S100Z: variants seen among roughly 807,000 people sequenced by gnomAD.
The protein encoded by S100Z is protein S100-Z.
Under a neutral mutation model 8.5 loss-of-function variants are expected in S100Z, and 11 were observed. The ratio of observed to expected loss-of-function variants is 1.30; its 90% CI spans 0.82 to 2.15. S100Z has a LOEUF of 2.15. S100Z is among the 30% of genes most tolerant of loss of function. The probability of loss-of-function intolerance (pLI) is 0.00; values close to 1 mark genes in which losing one functional copy is unlikely to be tolerated. For synonymous variants in S100Z, 34 were observed against 43.8 expected, an observed-to-expected ratio of 0.78 and a Z score of 0.89; for missense variants, 126 against 117.9, an observed-to-expected ratio of 1.07 and a Z score of -0.32.
At chr5:76,914,294 G>A (rs1003457848) in intron 4 of S100Z, among the ~76,000 whole-genome samples, 3 of 152,072 alleles carry the variant, frequency 2.0e-5, no homozygotes, top group Admixed American at 6.5e-5. Flanking sequence ...TGGGCTGGGT[G>A]GGGACTTGGA....
chr5:76,926,600 G>A (rs542939321), downstream of S100Z, among the ~76,000 whole-genome samples: 6 of 152,214 alleles, frequency 3.9e-5, no homozygotes, highest in South Asian at 4.1e-4. Context: ...CAGAGAAAAC[G>A]AAGCATAAAG....
chr5:76,945,474 G>A, the S100Z span, among the ~76,000 whole-genome samples: 2 of 152,316 alleles, frequency 1.3e-5, no homozygotes, highest in South Asian at 2.1e-4. Context: ...GGAATGTCTC[G>A]GTATAAAACC....
chr5:76,895,765 CTTTTTTTTTTTT>C lies in S100Z; in HGVS notation c.*2+17942_*2+17953del, dbSNP rs57723242. Reference sequence around the variant, plus strand: ...TTCCCTTTCTTTCTTTCTTTTCTTCCTTTTTTTTTTTTTTTTTTTTTTGAGACAGAGTTTGGC... The same window carrying C: ...TTCCCTTTCTTTCTTTCTTTTCTTCCTTTTTTTTTTGAGACAGAGTTTGGC... On this transcript the variant is annotated intron_variant, in intron 4 of 4. Transcript: ENST00000317593. Among the ~76,000 whole-genome samples, 4 of 88,372 alleles carry C rather than the reference CTTTTTTTTTTTT, an allele frequency of 4.5e-5. No homozygotes were observed. The Admixed American group carries it at 5.9e-4, about 13-fold the overall frequency. 58.0% of individuals were successfully genotyped at this position (88,372 alleles called of 152,430 possible).
intron 4 of S100Z, among the ~76,000 whole-genome samples, chr5:76,902,467 C>T (rs1181379311): frequency 6.6e-6 from 1 of 152,212 alleles, no homozygotes; most frequent in Non-Finnish European, 1.5e-5. Context: ...ATGCCCTCTG[C>T]AACACACACT....
the S100Z span, among the ~76,000 whole-genome samples, chr5:76,948,346 T>TAAATAAATAAATA: frequency 1.6e-4 from 25 of 151,648 alleles, no homozygotes; most frequent in Non-Finnish European, 3.2e-4. Context: ...AATAAATAAA[T>TAAATAAATAAATA]AAATGCCTTC....
chr5:76,922,516 G>A (rs994816271), downstream of S100Z, among the ~76,000 whole-genome samples: 1 of 131,020 alleles, frequency 7.6e-6, no homozygotes, highest in African/African-American at 2.6e-5. Context: ...GAGTTTTTTT[G>A]TTGTTGTTTG....
At chr5:76,865,603 A>G (rs1421529050) in intron 1 of S100Z, among the ~76,000 whole-genome samples, 1 of 151,978 alleles carries the variant, frequency 6.6e-6, no homozygotes, top group Non-Finnish European at 1.5e-5. Flanking sequence ...TTAAAAATAG[A>G]AAAAACTTAT....
intron 4 of S100Z, among the ~76,000 whole-genome samples, chr5:76,894,605 T>C (rs2150664270): frequency 6.6e-6 from 1 of 152,016 alleles, no homozygotes; most frequent in Middle Eastern, 3.4e-3. Context: ...TTTTTTTTTT[T>C]TTTTTTTGAG....
the S100Z span, among the ~76,000 whole-genome samples, chr5:76,938,829 T>C: frequency 6.6e-6 from 1 of 152,204 alleles, no homozygotes; most frequent in East Asian, 1.9e-4. Flanking sequence ...GTTTTTAAAC[T>C]AATAGAATGT....
At chr5:76,853,592 T>G (rs1038451960) in intron 1 of S100Z, among the ~76,000 whole-genome samples, 4 of 151,978 alleles carry the variant, frequency 2.6e-5, no homozygotes, top group South Asian at 2.1e-4. Flanking sequence ...GGTCAGGAGT[T>G]CAAGATCAGC....
chr5:76,945,993 TC>T, the S100Z span, among the ~76,000 whole-genome samples: 28 of 152,144 alleles, frequency 1.8e-4, no homozygotes, highest in African/African-American at 6.5e-4. Context: ...ACAAGAACAA[TC>T]CCCAATCTCC....
At chr5:76,907,065 A>C (rs1481969590) in intron 4 of S100Z, among the ~76,000 whole-genome samples, 2 of 142,244 alleles carry the variant, frequency 1.4e-5, no homozygotes. Flanking sequence ...TTCATTTATC[A>C]ATGAATATGG....
chr5:76,870,387 A>C (rs1188504336), intron 2 of S100Z, 103 bp downstream of exon 2: 1 of 152,142 alleles, frequency 6.6e-6, no homozygotes, highest in Non-Finnish European at 1.5e-5. Context: ...CTTATACACA[A>C]ACCTTGATGT....
At chr5:76,852,357 C>T (rs1375264800) in intron 1 of S100Z, among the ~76,000 whole-genome samples, 1 of 152,118 alleles carries the variant, frequency 6.6e-6, no homozygotes, top group Non-Finnish European at 1.5e-5. Context: ...TGGAAGCAGG[C>T]TGATGCTCCC....
chr5:76,907,273 C>T (rs1475437076), intron 4 of S100Z, among the ~76,000 whole-genome samples: 4 of 151,744 alleles, frequency 2.6e-5, no homozygotes, highest in Non-Finnish European at 4.4e-5. Flanking sequence ...TTTCCTGATA[C>T]CATATAGTCT....
intron 1 of S100Z, among the ~76,000 whole-genome samples, chr5:76,856,234 C>G (rs1750878015): frequency 6.6e-6 from 1 of 152,194 alleles, no homozygotes; most frequent in Non-Finnish European, 1.5e-5. Context: ...CTCTTTCACC[C>G]AGGCTGGAGT....
rs184820351 is a variant in S100Z, at chr5:76,898,634, T to C, written c.*2+20800T>C. Among the ~76,000 whole-genome samples, 913 of 152,098 alleles carry C rather than the reference T, an allele frequency of 6.0e-3. 5 individuals carry two copies. Among genetic ancestry groups the C allele is most frequent in the Middle Eastern group, 0.017 (5 of 294 alleles). ...TGATTTATGTTGAACCACTCTTGCA[T>C]TCCAAGAATACATATCATTTAGTCA... On this transcript the variant is annotated intron_variant, in intron 4 of 4. Transcript: ENST00000317593.
chr5:76,927,290 C>G, the S100Z span, among the ~76,000 whole-genome samples: 3 of 152,198 alleles, frequency 2.0e-5, no homozygotes, highest in Non-Finnish European at 2.9e-5. Flanking sequence ...GGCCCTACCT[C>G]TCCACCTTCA....
the S100Z span, among the ~76,000 whole-genome samples, chr5:76,932,002 T>C: frequency 6.6e-6 from 1 of 152,172 alleles, no homozygotes; most frequent in Non-Finnish European, 1.5e-5. Flanking sequence ...TTTTCTAACA[T>C]GGATTATTAT....
Sources: gnomAD v4.1 joint callset for allele counts (sites outside exome capture counted in the v4.1 genomes callset) on GRCh38, gnomAD v4.1.1 for gene constraint, MANE v1.5 for transcripts, NCBI Gene and HGNC (gene_info 2026-07-23, HGNC 2026-07-21) for gene names.